Variants in PAK3 observed in about 807,000 individuals in gnomAD.
The protein encoded by PAK3 is serine/threonine-protein kinase PAK 3.
Under a neutral mutation model 41.0 loss-of-function variants are expected in PAK3, and 4 were observed. The observed-to-expected ratio is 0.10, with a 90% CI of 0.05 to 0.22. The LOEUF (loss-of-function observed/expected upper bound fraction) is 0.22, where lower values mean the gene tolerates loss of function less well. Among genes scored for constraint, PAK3 ranks in the 10% least tolerant of loss-of-function variants. PAK3 has a pLI of 1.00. For missense variants in PAK3, 205 were observed against 409.9 expected (o/e 0.50, Z 4.32); for synonymous variants, 146 against 139.6 (o/e 1.05, Z -0.32).
chrX:111,154,091 T>C (rs544008254), intron 8 of PAK3, among the ~76,000 whole-genome samples: 77 of 110,934 alleles, frequency 6.9e-4, no homozygotes, highest in Middle Eastern at 4.7e-3. Context: ...CCTAGAGGAG[T>C]CAAATTCATA....
chrX:111,048,564 C>T (rs1262079886), intron 1 of PAK3, among the ~76,000 whole-genome samples: 5 of 110,540 alleles, frequency 4.5e-5, no homozygotes, highest in Admixed American at 9.5e-5. Context: ...CTGCAGGCTT[C>T]CCCTTATAAG....
At chrX:111,064,406 G>A (rs1332138792) in intron 1 of PAK3, among the ~76,000 whole-genome samples, 1 of 110,609 alleles carries the variant, frequency 9.0e-6, no homozygotes, top group African/African-American at 3.3e-5. Flanking sequence ...CAGGTAGTGA[G>A]CATAGTACCA....
intron 1 of PAK3, among the ~76,000 whole-genome samples, chrX:110,953,811 G>A (rs916179125): frequency 9.0e-6 from 1 of 111,663 alleles, no homozygotes; most frequent in Non-Finnish European, 1.9e-5. Flanking sequence ...TAAGAAGAGC[G>A]AGTTTGGACG....
At chrX:111,060,910 C>T (rs1045494546) in intron 1 of PAK3, among the ~76,000 whole-genome samples, 1 of 111,301 alleles carries the variant, frequency 9.0e-6, no homozygotes, top group African/African-American at 3.3e-5. Context: ...AAAAAAATTA[C>T]ATTTTGAAAA....
intron 17 of PAK3, among the ~76,000 whole-genome samples, chrX:111,218,086 T>C (rs1038711855): frequency 3.6e-5 from 4 of 112,315 alleles, no homozygotes; most frequent in African/African-American, 9.7e-5. Context: ...TTTGAGTCCA[T>C]GCAACTCCAT....
At chrX:111,164,392 A>G (rs1021606249) in intron 10 of PAK3, among the ~76,000 whole-genome samples, 1 of 111,483 alleles carries the variant, frequency 9.0e-6, no homozygotes, top group Admixed American at 9.6e-5. Context: ...ACAAATTGCT[A>G]GATATCAGCA....
intron 6 of PAK3, chrX:111,144,864 C>G (rs1253152345): frequency 1.2e-5 from 14 of 1,136,152 alleles, no homozygotes; most frequent in Non-Finnish European, 1.7e-5. Flanking sequence ...CTTCAGAACT[C>G]CCCTTTCCAG....
chrX:110,968,686 T>G (rs771482656), intron 1 of PAK3, among the ~76,000 whole-genome samples: 1 of 112,187 alleles, frequency 8.9e-6, no homozygotes, highest in African/African-American at 3.2e-5. Flanking sequence ...GTGGTTTTTG[T>G]CATTGAGTTT....
At chrX:111,204,894 T>G in intron 16 of PAK3, among the ~76,000 whole-genome samples, 1 of 102,728 alleles carries the variant, frequency 9.7e-6, no homozygotes, top group African/African-American at 3.6e-5. Flanking sequence ...TTTTTTTTTT[T>G]TTGTAAAGAA....
chrX:110,984,273 C>T (rs1463340473), intron 1 of PAK3, among the ~76,000 whole-genome samples: 1 of 112,212 alleles, frequency 8.9e-6, no homozygotes. Context: ...CCTGCTCCTA[C>T]TTAAAACTGT....
At chrX:110,986,159 G>A (rs2148662171) in intron 1 of PAK3, among the ~76,000 whole-genome samples, 1 of 112,219 alleles carries the variant, frequency 8.9e-6, no homozygotes, top group Non-Finnish European at 1.9e-5. Context: ...TCCTAAGCCA[G>A]CCTCACCAAA....
chrX:111,054,554 T>G (rs943568239), intron 1 of PAK3, among the ~76,000 whole-genome samples: 1 of 111,778 alleles, frequency 8.9e-6, no homozygotes, highest in Admixed American at 9.5e-5. Context: ...TTTCATTAAT[T>G]AGGGCTTCCA....
chrX:111,161,342 G>A (rs1185024315), intron 8 of PAK3, among the ~76,000 whole-genome samples: 1 of 111,312 alleles, frequency 9.0e-6, no homozygotes, highest in African/African-American at 3.3e-5. Context: ...ATTTGTTTGA[G>A]TTCATTGTAG....
chrX:111,091,109 A>G (rs1298838170), intron 1 of PAK3, among the ~76,000 whole-genome samples: 1 of 111,730 alleles, frequency 9.0e-6, no homozygotes, highest in Non-Finnish European at 1.9e-5. Flanking sequence ...TCTAATTCTC[A>G]TATTAATTCA....
At chrX:111,214,549 C>T (rs2094856100) in intron 16 of PAK3, among the ~76,000 whole-genome samples, 1 of 111,728 alleles carries the variant, frequency 9.0e-6, no homozygotes, top group Non-Finnish European at 1.9e-5. Context: ...GCTTCAACAT[C>T]AACAGGACAC....
intron 1 of PAK3, among the ~76,000 whole-genome samples, chrX:110,963,765 TG>T (rs1354502739): frequency 8.9e-6 from 1 of 112,739 alleles, no homozygotes; most frequent in Non-Finnish European, 1.9e-5. Context: ...AGGACGATGT[TG>T]AACCAAGTGA....
At chrX:111,019,427 T>A (rs998779243) in intron 1 of PAK3, among the ~76,000 whole-genome samples, 8 of 108,376 alleles carry the variant, frequency 7.4e-5, no homozygotes, top group Non-Finnish European at 1.5e-4. Context: ...GGCAAAGTGG[T>A]TCTTGCCTGT....
At chrX:111,216,980 T>C (rs2149399474) in intron 17 of PAK3, 1 of 749,205 alleles carries the variant, frequency 1.3e-6, no homozygotes, top group East Asian at 1.5e-4. Context: ...CCCCTTTGCT[T>C]GTGATGCCAA....
At chrX:111,169,664 C>T (rs2094310450) in intron 10 of PAK3, among the ~76,000 whole-genome samples, 1 of 110,979 alleles carries the variant, frequency 9.0e-6, no homozygotes, top group Non-Finnish European at 1.9e-5. Flanking sequence ...TTTCAGGCAG[C>T]GAATGGCATG....
Sources: gnomAD v4.1 joint callset for allele counts (sites outside exome capture counted in the v4.1 genomes callset) on GRCh38, gnomAD v4.1.1 for gene constraint, MANE v1.5 for transcripts, NCBI Gene and HGNC (gene_info 2026-07-23, HGNC 2026-07-21) for gene names.